MATN2: variants seen among roughly 807,000 people sequenced by gnomAD.
The protein encoded by MATN2 is matrilin 2.
MATN2 carries 69 observed loss-of-function variants against 103.2 expected under a neutral mutation model. The observed-to-expected ratio is 0.67, with a 90% CI of 0.55 to 0.82. The LOEUF is 0.82. Ranked by LOEUF, MATN2 falls within the 40% of genes least tolerant of loss-of-function variation. MATN2 has a pLI of 0.00. For missense variants in MATN2, 1,023 were observed against 1,211.5 expected (o/e 0.84, Z 2.31); for synonymous variants, 429 against 450.2 (o/e 0.95, Z 0.60).
chr8:97,880,882 C>G (rs1818232832), intron 1 of MATN2, among the ~76,000 whole-genome samples: 1 of 152,128 alleles, frequency 6.6e-6, no homozygotes, highest in Admixed American at 6.6e-5. Context: ...CATGCCCGGC[C>G]TGAAAATCTT....
chr8:97,882,086 T>C lies in MATN2; in HGVS notation c.-26-5989T>C, dbSNP rs144474066. 4.6e-3 allele frequency among the ~76,000 whole-genome samples: 703 copies of C among 151,480 alleles called. 8 individuals carry two copies. The highest frequency in any genetic ancestry group is 0.016 in the African/African-American group (674 of 41,368). On this transcript the variant is annotated intron_variant, in intron 1 of 18. Transcript: ENST00000254898. The stretch of plus-strand genomic sequence containing the variant: ...ACAGGTGTGCGCCACCATGCCTGGC[T>C]AATTTTTTTGTATTTTTAGTAGAGA...
At chr8:97,888,959 G>A (rs2129981876) in intron 2 of MATN2, among the ~76,000 whole-genome samples, 1 of 152,182 alleles carries the variant, frequency 6.6e-6, no homozygotes, top group South Asian at 2.1e-4. Context: ...ACTTCCCTGA[G>A]GCTCAGTTTT....
At chr8:97,993,666 A>G (rs555427726) in intron 6 of MATN2, among the ~76,000 whole-genome samples, 30 of 152,300 alleles carry the variant, frequency 2.0e-4, no homozygotes, top group African/African-American at 6.7e-4. Context: ...GCTGAGCCCA[A>G]TGAGGTAACC....
Position 97,927,175 on chromosome 8 carries a change from C to T in MATN2, c.143-3778C>T, listed in dbSNP as rs542924376. On this transcript the variant is annotated intron_variant, in intron 2 of 18. Coordinates refer to ENST00000254898, the MANE Select transcript of MATN2 (RefSeq NM_002380.5). ...TTTTTGTTTTTGAGATGGAGTTCCA[C>T]TCTTGTTGCCCAGGCTGCAGTGCAA... Among the ~76,000 whole-genome samples the T allele has an allele frequency of 6.6e-5, 10 of 152,042 alleles. 1 individual carries two copies. In the South Asian group the frequency reaches 2.1e-3, roughly 32 times the overall value.
rs1554613598 is a variant in MATN2 at position 98,000,604 on chromosome 8, A to AAAAAAAAAAAAAG, written c.1205-3051_1205-3050insAAAAAAGAAAAAA. ...AGAGCGAGACTCCGTCTCAAAAAAA[A>AAAAAAAAAAAAAG]AAAAAAGAAATATGGTTAACAATCA... On this transcript the variant is annotated intron_variant, in intron 7 of 18. Coordinates refer to ENST00000254898, the MANE Select transcript of MATN2 (RefSeq NM_002380.5). Among the ~76,000 whole-genome samples, 472 of 127,248 alleles carry AAAAAAAAAAAAAG rather than the reference A, an allele frequency of 3.7e-3. 28 individuals are homozygous for AAAAAAAAAAAAAG. The highest frequency in any genetic ancestry group is 0.012 in the African/African-American group (419 of 33,732). The allele number at this position is 127,248 out of a possible 152,430, so 83.5% of individuals were successfully genotyped here.
chr8:97,964,541 C>T (rs771527341), intron 5 of MATN2, among the ~76,000 whole-genome samples: 5 of 151,070 alleles, frequency 3.3e-5, no homozygotes, highest in South Asian at 4.2e-4. Context: ...TGGGCTCAAG[C>T]GATACTCCCA....
chr8:97,890,875 T>A lies in MATN2; in HGVS notation c.142+2633T>A, dbSNP rs185894209. 2.0e-5 allele frequency among the ~76,000 whole-genome samples: 3 copies of A among 152,248 alleles called. No homozygotes were observed. In the East Asian group the frequency reaches 5.8e-4, roughly 29 times the overall value. On this transcript the variant is annotated intron_variant, in intron 2 of 18. Transcript: ENST00000254898. ...GCAGAATTGTTTCTTAGGTTAATTTTTTTTGAACTTTCTGGGTTTTAAAAA... is the reference window on the plus strand; with the variant it reads ...GCAGAATTGTTTCTTAGGTTAATTTATTTTGAACTTTCTGGGTTTTAAAAA...
At chr8:97,979,442 C>T (rs1453755599) in intron 6 of MATN2, among the ~76,000 whole-genome samples, 2 of 152,234 alleles carry the variant, frequency 1.3e-5, no homozygotes, top group Admixed American at 6.5e-5. Flanking sequence ...TGGTGGACCG[C>T]AGTTTGCAAA....
intron 6 of MATN2, among the ~76,000 whole-genome samples, chr8:97,984,843 G>A (rs529427428): frequency 2.0e-5 from 3 of 152,298 alleles, no homozygotes; most frequent in African/African-American, 7.2e-5. Flanking sequence ...TCCTTATGGA[G>A]CCTACATTCT....
chr8:98,024,496 T>C lies in MATN2; in HGVS notation c.1943-2920T>C, dbSNP rs2130437374. On this transcript the variant is annotated intron_variant, in intron 13 of 18. Transcript: ENST00000254898. The stretch of plus-strand genomic sequence containing the variant: ...CTCCAGCCTGGGCGAGAGAGCGAGA[T>C]GCCATCTCAAACAACAACAACAACA... Among the ~76,000 whole-genome samples, 4 of 149,416 alleles carry C rather than the reference T, an allele frequency of 2.7e-5. No individual in the cohort carries two copies. The East Asian group carries it at 7.8e-4, about 29-fold the overall frequency.
At chr8:97,910,186 C>T (rs530355005) in intron 2 of MATN2, among the ~76,000 whole-genome samples, 1 of 151,734 alleles carries the variant, frequency 6.6e-6, no homozygotes, top group African/African-American at 2.4e-5. Flanking sequence ...CTCAGCCTCC[C>T]CAGTAGCTGG....
At chr8:97,933,363 T>C (rs1810261592) in intron 3 of MATN2, among the ~76,000 whole-genome samples, 1 of 152,216 alleles carries the variant, frequency 6.6e-6, no homozygotes, top group African/African-American at 2.4e-5. Flanking sequence ...CCTGAAAATA[T>C]TAAAAGGGAA....
intron 2 of MATN2, among the ~76,000 whole-genome samples, chr8:97,893,482 C>T (rs1035947700): frequency 6.6e-6 from 1 of 152,146 alleles, no homozygotes; most frequent in Non-Finnish European, 1.5e-5. Flanking sequence ...AGGAGGTGGA[C>T]CTGTCTCCAG....
At chr8:98,017,963 A>C (rs773717005) in intron 11 of MATN2, 31 bp from the exon 12 acceptor site, 2 of 1,610,430 alleles carry the variant, frequency 1.2e-6, no homozygotes, top group Non-Finnish European at 1.7e-6. Flanking sequence ...TATGTTGTTG[A>C]AATTGTTGTA....
chr8:97,931,614 G>A lies in MATN2; in HGVS notation c.712+92G>A. The A allele has an allele frequency of 8.0e-7, 1 of 1,247,472 alleles. No individual in the cohort carries two copies. The highest frequency in any genetic ancestry group is 1.1e-6 in the Non-Finnish European group (1 of 913,312). 77.3% of individuals were successfully genotyped at this position (1,247,472 alleles called of 1,614,324 possible). A position where few individuals can be genotyped will look rare whatever the true frequency, so the allele number is the denominator to read the frequency against. ...TTCATTCTGTGTTACTATGTCCCAG[G>A]TACTGTGCTGGCAATAGGTTTTCAA... On this transcript the variant is annotated intron_variant, in intron 3 of 18. Coordinates refer to ENST00000254898, the MANE Select transcript of MATN2 (RefSeq NM_002380.5). This position sits in a 1 kb window ranked among gnomAD's most constrained non-coding sequence, Gnocchi z 4.1.
rs564823943 is a variant in MATN2 at position 97,986,420 on chromosome 8, A to G, written c.1081+7412A>G. ...CACCTGAGCAGGATACATAGTACCC[A>G]ATGTGTAGTCTTTTATCCCTCACCA... On this transcript the variant is annotated intron_variant, in intron 6 of 18. Transcript: ENST00000254898. 3.3e-5 allele frequency among the ~76,000 whole-genome samples: 5 copies of G among 152,320 alleles called. No homozygotes were observed. The East Asian group carries it at 5.8e-4, about 18-fold the overall frequency.
At chr8:97,879,948 C>T (rs1283383296) in intron 1 of MATN2, among the ~76,000 whole-genome samples, 2 of 152,202 alleles carry the variant, frequency 1.3e-5, no homozygotes, top group East Asian at 3.8e-4. Context: ...GAAATTCACA[C>T]AGCTCCAGTA....
Position 97,898,657 on chromosome 8 carries a change from G to A in MATN2, c.142+10415G>A, listed in dbSNP as rs189976913. Reference sequence around the variant, plus strand: ...CCACCATGTGCCAGGCACTGTGGTAGGCAGCTCACACTTCACTCTGCATGT... The same window carrying A: ...CCACCATGTGCCAGGCACTGTGGTAAGCAGCTCACACTTCACTCTGCATGT... On this transcript the variant is annotated intron_variant, in intron 2 of 18. Coordinates refer to ENST00000254898, the MANE Select transcript of MATN2 (RefSeq NM_002380.5). Among the ~76,000 whole-genome samples the A allele has an allele frequency of 2.6e-5, 4 of 151,338 alleles. No individual in the cohort carries two copies. The East Asian group carries it at 7.8e-4, about 29-fold the overall frequency.
intron 7 of MATN2, among the ~76,000 whole-genome samples, chr8:98,003,264 T>C (rs1380417587): frequency 6.6e-6 from 1 of 152,174 alleles, no homozygotes; most frequent in Non-Finnish European, 1.5e-5. Flanking sequence ...CATGTTCTTC[T>C]TCCTGTTGAG....
Sources: gnomAD v4.1 joint callset for allele counts (sites outside exome capture counted in the v4.1 genomes callset) on GRCh38, gnomAD v4.1.1 for gene constraint, Gnocchi (gnomAD v3.1) non-coding constraint, MANE v1.5 for transcripts, NCBI Gene and HGNC (gene_info 2026-07-23, HGNC 2026-07-21) for gene names.